The following PARG variants were observed in gnomAD, a reference collection of about 807,000 sequenced individuals.
PARG encodes mitochondrial poly(ADP-ribose) glycohydrolase.
Under a neutral mutation model 113.0 loss-of-function variants are expected in PARG, and 35 were observed. That is an observed-to-expected ratio of 0.31 (90% CI 0.24 to 0.41). The LOEUF (loss-of-function observed/expected upper bound fraction) is 0.41. Ranked by LOEUF, PARG falls within the 10% of genes least tolerant of loss-of-function variation. The pLI, the probability that PARG is intolerant of heterozygous loss-of-function variation, is 1.00. For missense variants in PARG, 797 were observed against 1,169.4 expected (o/e 0.68, Z 4.64); for synonymous variants, 330 against 409.9 (o/e 0.81, Z 2.36).
intron 7 of PARG, among the ~76,000 whole-genome samples, chr10:49,913,071 G>A (rs560384279): frequency 9.2e-5 from 14 of 152,274 alleles, no homozygotes; most frequent in South Asian, 2.1e-4. Context: ...TTTCCCTTGC[G>A]CTAAAAATCT....
intron 7 of PARG, among the ~76,000 whole-genome samples, chr10:49,892,021 T>C (rs772430158): frequency 6.6e-6 from 1 of 151,960 alleles, no homozygotes; most frequent in Admixed American, 6.6e-5. Context: ...CCGGGCGTGG[T>C]GGCTCACACC....
At chr10:49,928,478 A>G (rs1838328075) in intron 4 of PARG, among the ~76,000 whole-genome samples, 1 of 152,112 alleles carries the variant, frequency 6.6e-6, no homozygotes, top group Non-Finnish European at 1.5e-5. Context: ...GCACGTATGC[A>G]TGTGTTTGTT....
rs560234282 is a variant in PARG, at chr10:49,911,902, A to G, written c.1737+4015T>C. Among the ~76,000 whole-genome samples, 11 of 152,366 alleles carry G rather than the reference A, an allele frequency of 7.2e-5. No individual in the cohort carries two copies. The East Asian group carries it at 1.9e-3, about 27-fold the overall frequency. On this transcript the variant is annotated intron_variant, in intron 7 of 17. Coordinates refer to ENST00000616448, the MANE Select transcript of PARG (RefSeq NM_003631.5). ...GGAGATAAATATCAACAGCTTCAAAATAAACGTAACTGCAAAATATTAATC... is the reference window on the plus strand; with the variant it reads ...GGAGATAAATATCAACAGCTTCAAAGTAAACGTAACTGCAAAATATTAATC...
chr10:49,928,850 TTAA>T (rs1279076950), intron 4 of PARG, among the ~76,000 whole-genome samples: 1 of 152,234 alleles, frequency 6.6e-6, no homozygotes, highest in Non-Finnish European at 1.5e-5. Flanking sequence ...ATCTGGAATC[TTAA>T]TAATGTAACT....
chr10:49,916,470 A>T (rs1264590673), intron 6 of PARG, among the ~76,000 whole-genome samples: 3 of 150,354 alleles, frequency 2.0e-5, no homozygotes, highest in African/African-American at 7.5e-5. Flanking sequence ...CATGGGGATG[A>T]GGAGATTAGA....
chr10:49,857,507 A>T (rs2132522374), intron 12 of PARG, 54 bp from the exon 13 acceptor site: 1 of 1,257,688 alleles, frequency 8.0e-7, no homozygotes, highest in East Asian at 2.3e-5. Context: ...TACACATATG[A>T]TCAAGAAGCA....
At chr10:49,910,073 G>C (rs1254922709) in intron 7 of PARG, 2 of 151,750 alleles carry the variant, frequency 1.3e-5, no homozygotes, top group Admixed American at 6.6e-5. Flanking sequence ...AACTTAATTT[G>C]CATCATTCAA....
intron 7 of PARG, among the ~76,000 whole-genome samples, chr10:49,891,342 T>TA (rs1193078731): frequency 8.7e-5 from 13 of 150,284 alleles, no homozygotes; most frequent in East Asian, 2.0e-4. Flanking sequence ...AATAAAAAAA[T>TA]AAAAAAAAAT....
intron 6 of PARG, among the ~76,000 whole-genome samples, chr10:49,917,481 T>C (rs1408560796): frequency 5.7e-5 from 5 of 87,810 alleles, no homozygotes; most frequent in African/African-American, 1.4e-4. Flanking sequence ...AGAGCGAGAC[T>C]CCGTCTCAAA....
intron 15 of PARG, among the ~76,000 whole-genome samples, chr10:49,839,294 G>A (rs1554831769): frequency 6.6e-6 from 1 of 150,820 alleles, no homozygotes. Context: ...CTGAGACCAC[G>A]CCATTGTACT....
chr10:49,850,215 A>G (rs1282247327), intron 13 of PARG, among the ~76,000 whole-genome samples: 2 of 139,940 alleles, frequency 1.4e-5, no homozygotes, highest in African/African-American at 5.4e-5. Flanking sequence ...CACATCTACA[A>G]TAAATGCATG....
chr10:49,919,853 T>G (rs1554848679), intron 6 of PARG, among the ~76,000 whole-genome samples: 1 of 152,158 alleles, frequency 6.6e-6, no homozygotes, highest in South Asian at 2.1e-4. Flanking sequence ...TGCGATCTGA[T>G]GTTCTATATA....
At chr10:49,881,198 C>CT (rs1194179192) in intron 8 of PARG, among the ~76,000 whole-genome samples, 1 of 152,110 alleles carries the variant, frequency 6.6e-6, no homozygotes, top group Non-Finnish European at 1.5e-5. Context: ...TGTAAGCCCC[C>CT]TTTACATGTA....
intron 7 of PARG, among the ~76,000 whole-genome samples, chr10:49,892,532 A>T (rs558088011): frequency 6.6e-6 from 1 of 152,332 alleles, no homozygotes; most frequent in Admixed American, 6.5e-5. Flanking sequence ...GTAGAGAAGT[A>T]CAATAATTTT....
intron 7 of PARG, among the ~76,000 whole-genome samples, chr10:49,908,246 T>C (rs1836967230): frequency 6.6e-6 from 1 of 152,198 alleles, no homozygotes; most frequent in Non-Finnish European, 1.5e-5. Flanking sequence ...ATGCACTATT[T>C]AGAAATCATA....
intron 7 of PARG, among the ~76,000 whole-genome samples, chr10:49,894,725 C>A (rs1847990559): frequency 6.6e-6 from 1 of 152,190 alleles, no homozygotes; most frequent in South Asian, 2.1e-4. Context: ...CTTCGTTCCA[C>A]TGATCAATTT....
chr10:49,879,964 A>G lies in PARG; in HGVS notation c.1831-134T>C, dbSNP rs1439596986. The stretch of plus-strand genomic sequence containing the variant: ...CAGGCCATTCTTGAATCCTTAAATC[A>G]GCAATATTGTAAAAGTCAAGGGCTG... On this transcript the variant is annotated intron_variant, in intron 8 of 17. Transcript: ENST00000616448. 23 of 584,530 alleles carry G rather than the reference A, an allele frequency of 3.9e-5. No homozygotes were observed. The East Asian group carries it at 6.6e-4, about 17-fold the overall frequency. 36.2% of individuals were successfully genotyped at this position (584,530 alleles called of 1,614,324 possible).
At chr10:49,863,732 A>AG (rs1165863397) in intron 11 of PARG, among the ~76,000 whole-genome samples, 4 of 150,902 alleles carry the variant, frequency 2.7e-5, no homozygotes, top group Non-Finnish European at 5.9e-5. Context: ...AAGAAAAACA[A>AG]TCCTCTGCAC....
intron 9 of PARG, among the ~76,000 whole-genome samples, chr10:49,874,641 T>G (rs1846860365): frequency 6.7e-6 from 1 of 149,864 alleles, no homozygotes; most frequent in Non-Finnish European, 1.5e-5. Flanking sequence ...GATCACGAGT[T>G]CAGGAGACTG....
Sources: gnomAD v4.1 joint callset for allele counts (sites outside exome capture counted in the v4.1 genomes callset) on GRCh38, gnomAD v4.1.1 for gene constraint, MANE v1.5 for transcripts, NCBI Gene and HGNC (gene_info 2026-07-23, HGNC 2026-07-21) for gene names.